PLXNA4: variants seen among roughly 807,000 people sequenced by gnomAD.
PLXNA4 encodes plexin A4, also known as plexin-A4.
Under a neutral mutation model 191.8 loss-of-function variants are expected in PLXNA4, and 44 were observed. That is an observed-to-expected ratio of 0.23 (90% CI 0.18 to 0.29). PLXNA4 has a LOEUF of 0.29. Ranked by LOEUF, PLXNA4 falls within the 10% of genes least tolerant of loss-of-function variation. The probability of loss-of-function intolerance (pLI) is 1.00; values close to 1 mark genes in which losing one functional copy is unlikely to be tolerated. For synonymous variants in PLXNA4, 1,082 were observed against 1,009.5 expected, an observed-to-expected ratio of 1.07 and a Z score of -1.36; for missense variants, 1,800 against 2,488.8, an observed-to-expected ratio of 0.72 and a Z score of 5.89.
At chr7:132,183,193 C>T (rs1796766732) in intron 16 of PLXNA4, among the ~76,000 whole-genome samples, 1 of 152,224 alleles carries the variant, frequency 6.6e-6, no homozygotes, top group South Asian at 2.1e-4. Flanking sequence ...TCCCTCTCTC[C>T]TTGCTCACAT....
At chr7:132,218,102 G>A in intron 9 of PLXNA4, among the ~76,000 whole-genome samples, 1 of 152,048 alleles carries the variant, frequency 6.6e-6, no homozygotes, top group East Asian at 1.9e-4. Context: ...AGGGCATGGG[G>A]CTTATTTCAG....
At chr7:132,232,909 C>T (rs910664651) in intron 5 of PLXNA4, among the ~76,000 whole-genome samples, 2 of 152,166 alleles carry the variant, frequency 1.3e-5, no homozygotes, top group South Asian at 2.1e-4. Context: ...CTGAGTGAAC[C>T]GCCAAGCTTG....
intron 3 of PLXNA4, chr7:132,385,236 T>C (rs981942258): frequency 6.2e-7 from 1 of 1,614,100 alleles, no homozygotes; most frequent in South Asian, 1.1e-5. Flanking sequence ...TCACTGTTGC[T>C]CTGTGGGATC....
At chr7:132,147,667 A>G (rs1418124079) in intron 27 of PLXNA4, among the ~76,000 whole-genome samples, 1 of 152,238 alleles carries the variant, frequency 6.6e-6, no homozygotes, top group African/African-American at 2.4e-5. Context: ...GAAGACATTC[A>G]TGAAAGTTGG....
At chr7:132,572,766 T>A (rs1802038066) in intron 1 of PLXNA4, among the ~76,000 whole-genome samples, 1 of 152,098 alleles carries the variant, frequency 6.6e-6, no homozygotes, top group Admixed American at 6.5e-5. Context: ...CTAGAGGGGA[T>A]CAGGTGGGAG....
rs934286473 is a variant in PLXNA4, at chr7:132,591,459, C to T, written c.-87+54469G>A. Among the ~76,000 whole-genome samples, 4 of 152,180 alleles carry T rather than the reference C, an allele frequency of 2.6e-5. No individual in the cohort carries two copies. In the South Asian group the frequency reaches 8.3e-4, roughly 31 times the overall value. On this transcript the variant is annotated intron_variant, in intron 2 of 4. Coordinates refer to the PLXNA4 transcript ENST00000378539. ...GTCTGCCCACGACTCCACAAGGATG[C>T]AGTACAAAAGTATTGTAGCTTCTAT... is the stretch of plus-strand genomic sequence containing the variant.
chr7:132,397,206 A>G lies in PLXNA4; in HGVS notation c.1371+92086T>C, dbSNP rs941097119. 7.2e-5 allele frequency among the ~76,000 whole-genome samples: 11 copies of G among 152,370 alleles called. No individual in the cohort carries two copies. In the East Asian group the frequency reaches 1.9e-3, roughly 27 times the overall value. On this transcript the variant is annotated intron_variant, in intron 3 of 31. Transcript: ENST00000321063. Reference sequence around the variant, plus strand: ...TGGTTTTTAAGAGACAGTGTTTAACATCAAGATCCTTCTGATGTGAGTAAT... The same window carrying G: ...TGGTTTTTAAGAGACAGTGTTTAACGTCAAGATCCTTCTGATGTGAGTAAT...
rs376976464 is a variant in PLXNA4 at position 132,234,847 on chromosome 7, G to A, written c.1604+6219C>T. Among the ~76,000 whole-genome samples, 195 of 152,254 alleles carry A rather than the reference G, an allele frequency of 1.3e-3. 8 individuals carry two copies. The South Asian group carries it at 0.039, about 30-fold the overall frequency. On this transcript the variant is annotated intron_variant, in intron 5 of 31. Transcript: ENST00000321063. ...ACAGACTGCAAAGAGTTTGCTGGGT[G>A]GAAGTGGACACCAACCATTCCTCAT...
chr7:132,308,409 C>T (rs1801606650), intron 3 of PLXNA4, among the ~76,000 whole-genome samples: 1 of 152,208 alleles, frequency 6.6e-6, no homozygotes, highest in Non-Finnish European at 1.5e-5. Flanking sequence ...GCCACTCCCA[C>T]TCCTAGGAAA....
intron 23 of PLXNA4, among the ~76,000 whole-genome samples, chr7:132,164,720 C>T: frequency 6.6e-6 from 1 of 152,264 alleles, no homozygotes; most frequent in East Asian, 1.9e-4. Context: ...CTCCCAGGCG[C>T]ATCCTTGGCT....
At chr7:132,481,791 G>A (rs1254416706) in intron 3 of PLXNA4, among the ~76,000 whole-genome samples, 1 of 152,092 alleles carries the variant, frequency 6.6e-6, no homozygotes, top group Admixed American at 6.5e-5. Context: ...GTCCATCATC[G>A]AGCACTGCCC....
At chr7:132,418,154 G>A (rs1426649166) in intron 3 of PLXNA4, among the ~76,000 whole-genome samples, 1 of 152,102 alleles carries the variant, frequency 6.6e-6, no homozygotes, top group African/African-American at 2.4e-5. Flanking sequence ...CCTTCTTGTT[G>A]CTGCTGTATG....
intron 1 of PLXNA4, among the ~76,000 whole-genome samples, chr7:132,527,265 T>C (rs1799434784): frequency 6.6e-6 from 1 of 152,016 alleles, no homozygotes; most frequent in South Asian, 2.1e-4. Flanking sequence ...CTTCCTCCAT[T>C]GCCAAGTCTA....
intron 4 of PLXNA4, among the ~76,000 whole-genome samples, chr7:132,263,615 C>A (rs1423776523): frequency 6.6e-6 from 1 of 152,202 alleles, no homozygotes; most frequent in Non-Finnish European, 1.5e-5. Context: ...TTGTCCACTG[C>A]ATGCATTGAT....
intron 1 of PLXNA4, among the ~76,000 whole-genome samples, chr7:132,568,200 C>G (rs1402860310): frequency 6.6e-6 from 1 of 152,204 alleles, no homozygotes; most frequent in Non-Finnish European, 1.5e-5. Flanking sequence ...TTTCTTAAAA[C>G]TGGGAGGGTG....
chr7:132,268,089 T>C (rs1799923518), intron 4 of PLXNA4, among the ~76,000 whole-genome samples: 1 of 152,216 alleles, frequency 6.6e-6, no homozygotes, highest in African/African-American at 2.4e-5. Flanking sequence ...CCATTAGTGA[T>C]CATGGTACAC....
intron 14 of PLXNA4, among the ~76,000 whole-genome samples, chr7:132,191,405 G>A (rs1797082499): frequency 6.6e-6 from 1 of 152,212 alleles, no homozygotes; most frequent in South Asian, 2.1e-4. Context: ...CTCTTTATGG[G>A]AGCTGACAGC....
intron 10 of PLXNA4, among the ~76,000 whole-genome samples, chr7:132,205,733 G>A (rs931458792): frequency 7.2e-5 from 11 of 152,192 alleles, no homozygotes; most frequent in Non-Finnish European, 2.9e-5. Flanking sequence ...GCTGGGGCAG[G>A]CTGAGCTCTG....
chr7:132,370,974 G>A (rs1804414422), intron 3 of PLXNA4, among the ~76,000 whole-genome samples: 1 of 152,198 alleles, frequency 6.6e-6, no homozygotes. Context: ...ATTAGTGTTG[G>A]CCACATATGG....
Sources: allele counts gnomAD v4.1 joint callset (sites outside exome capture counted in the v4.1 genomes callset), GRCh38; gene constraint gnomAD v4.1.1; transcripts MANE v1.5; gene names NCBI Gene and HGNC (gene_info 2026-07-23, HGNC 2026-07-21).